Variants in JAKMIP2 observed in about 807,000 individuals in gnomAD.
JAKMIP2 encodes janus kinase and microtubule-interacting protein 2.
A neutral mutation model predicts 115.0 loss-of-function variants in JAKMIP2; 25 were observed. The ratio of observed to expected loss-of-function variants is 0.22; its 90% confidence interval spans 0.16 to 0.30. The LOEUF is 0.30. Ranked by LOEUF, JAKMIP2 falls within the 10% of genes least tolerant of loss-of-function variation. JAKMIP2 has a pLI of 1.00. For missense variants in JAKMIP2, 642 were observed against 957.6 expected, an observed-to-expected ratio of 0.67 and a Z score of 4.35; for synonymous variants, 334 against 343.6, an observed-to-expected ratio of 0.97 and a Z score of 0.31.
intron 1 of JAKMIP2, among the ~76,000 whole-genome samples, chr5:147,702,279 A>G (rs779428557): frequency 2.7e-4 from 40 of 149,198 alleles, no homozygotes; most frequent in South Asian, 2.4e-3. Context: ...TAAGAATGAT[A>G]CAATGGACTT....
rs1031963603 is a variant in JAKMIP2, at chr5:147,639,646, C to T, written c.1516G>A (p.Glu506Lys). ...QEQTGGIIDA[E>K]REAKAQEQLQ... ...TACACACTAACCTTGGCTTCTCGTT[C>T]AGCGTCGATGATGCCTCCCGTCTGC... The change falls in exon 10 of 22, where the codon GAA becomes AAA. Residue 506 changes from glutamate to lysine, a missense_variant. Glu to Lys is a moderately conservative substitution (Grantham distance 56). This residue lies in a region of JAKMIP2 where 103 missense variants were observed against 177.6 expected (regional missense o/e 0.58). Transcript: ENST00000616793. 3 of 1,612,866 alleles carry T rather than the reference C, an allele frequency of 1.9e-6. No homozygotes were observed. The highest frequency in any genetic ancestry group is 1.3e-5 in the African/African-American group (1 of 74,872).
rs1757225025 is a variant in JAKMIP2 at position 147,628,739 on chromosome 5, A to G, written c.1995+12T>C. Reference sequence around the variant, plus strand: ...CACCGAGATGATTTGAAATGTTTGTACGGCTCATTACCTTCTCTGCCAGGG... The same window carrying G: ...CACCGAGATGATTTGAAATGTTTGTGCGGCTCATTACCTTCTCTGCCAGGG... On this transcript the variant is annotated intron_variant, in intron 16 of 21. Transcript: ENST00000616793. The G allele has an allele frequency of 6.2e-7, 1 of 1,606,084 alleles. No individual in the cohort carries two copies. The highest frequency in any genetic ancestry group is 1.3e-5 in the African/African-American group (1 of 74,728).
At chr5:147,653,371 T>G (rs555789746) in intron 3 of JAKMIP2, among the ~76,000 whole-genome samples, 1 of 152,304 alleles carries the variant, frequency 6.6e-6, no homozygotes, top group African/African-American at 2.4e-5. Context: ...CACCAGCACC[T>G]ACTGTTGCTT....
rs1384746078 is a variant in JAKMIP2, at chr5:147,623,980, G to C, written c.1996-291C>G. Among the ~76,000 whole-genome samples, 5 of 151,870 alleles carry C rather than the reference G, an allele frequency of 3.3e-5. No homozygotes were observed. In the South Asian group the frequency reaches 1.0e-3, roughly 31 times the overall value. On this transcript the variant is annotated intron_variant, in intron 16 of 21. Transcript: ENST00000616793. ...CTCCCGAGTAGCTGGGATTACAGGC[G>C]CCTGCCACCACGCCTGGCTAATTTT...
intron 1 of JAKMIP2, among the ~76,000 whole-genome samples, chr5:147,736,384 G>A (rs944416429): frequency 6.6e-6 from 1 of 152,020 alleles, no homozygotes; most frequent in Non-Finnish European, 1.5e-5. Context: ...CTTGAACCTG[G>A]GGGGTGGAGG....
At chr5:147,663,977 GA>G (rs1328457940) in intron 2 of JAKMIP2, among the ~76,000 whole-genome samples, 3 of 152,190 alleles carry the variant, frequency 2.0e-5, no homozygotes, top group Non-Finnish European at 4.4e-5. Flanking sequence ...TCTGGATTTC[GA>G]AGACTTAGTG....
chr5:147,636,146 T>G, intron 12 of JAKMIP2, 76 bp downstream of exon 12: 1 of 1,263,860 alleles, frequency 7.9e-7, no homozygotes, highest in Non-Finnish European at 1.1e-6. Context: ...GTGCCACTCC[T>G]GAGAGCACCC....
At chr5:147,764,684 A>G (rs1716204566) in intron 1 of JAKMIP2, among the ~76,000 whole-genome samples, 1 of 151,612 alleles carries the variant, frequency 6.6e-6, no homozygotes, top group Admixed American at 6.6e-5. Flanking sequence ...TCAACAGATC[A>G]AGACCATCCT....
At chr5:147,643,722 T>A (rs1757986184) in intron 7 of JAKMIP2, among the ~76,000 whole-genome samples, 1 of 152,166 alleles carries the variant, frequency 6.6e-6, no homozygotes, top group Non-Finnish European at 1.5e-5. Flanking sequence ...ACATATTAAA[T>A]CTCTGAGCCT....
chr5:147,744,628 T>C (rs1018010150), intron 1 of JAKMIP2, among the ~76,000 whole-genome samples: 1 of 152,242 alleles, frequency 6.6e-6, no homozygotes, highest in Non-Finnish European at 1.5e-5. Context: ...AAATTAATCA[T>C]AGTTTACTAT....
intron 1 of JAKMIP2, among the ~76,000 whole-genome samples, chr5:147,716,495 C>T (rs1388695979): frequency 6.6e-6 from 1 of 151,236 alleles, no homozygotes; most frequent in African/African-American, 2.4e-5. Flanking sequence ...TCCACATCCT[C>T]TCCAGCACCT....
At chr5:147,707,782 A>G (rs1031592285) in intron 1 of JAKMIP2, among the ~76,000 whole-genome samples, 4 of 152,208 alleles carry the variant, frequency 2.6e-5, no homozygotes, top group African/African-American at 9.6e-5. Flanking sequence ...TATGCAAATG[A>G]GATCAGCAAT....
chr5:147,702,463 A>AGGG (rs1554081169), intron 1 of JAKMIP2, among the ~76,000 whole-genome samples: 21 of 121,172 alleles, frequency 1.7e-4, no homozygotes, highest in East Asian at 7.7e-4. Flanking sequence ...GGAAGGAAGG[A>AGGG]AGGGAGGGAG....
chr5:147,597,495 A>G (rs1043567059), intron 21 of JAKMIP2, among the ~76,000 whole-genome samples: 2 of 152,224 alleles, frequency 1.3e-5, no homozygotes, highest in African/African-American at 4.8e-5. Flanking sequence ...GGGGGACAGT[A>G]AAAATGAGCT....
intron 19 of JAKMIP2, among the ~76,000 whole-genome samples, chr5:147,614,435 C>T (rs928193990): frequency 2.0e-5 from 3 of 152,184 alleles, no homozygotes; most frequent in Non-Finnish European, 4.4e-5. Context: ...ATCCCTTTGC[C>T]ATCCACCCAA....
chr5:147,674,453 C>G (rs1253153197), intron 1 of JAKMIP2, among the ~76,000 whole-genome samples: 1 of 152,074 alleles, frequency 6.6e-6, no homozygotes, highest in Non-Finnish European at 1.5e-5. Context: ...AGAGCTTAAG[C>G]AAAAACCTGA....
At chr5:147,599,620 G>A (rs538642257) in intron 21 of JAKMIP2, among the ~76,000 whole-genome samples, 2 of 152,136 alleles carry the variant, frequency 1.3e-5, no homozygotes, top group Admixed American at 6.5e-5. Flanking sequence ...GTACAGAGAC[G>A]AGCACACTGT....
intron 1 of JAKMIP2, among the ~76,000 whole-genome samples, chr5:147,733,777 C>T (rs567981488): frequency 2.0e-4 from 30 of 152,256 alleles, no homozygotes; most frequent in African/African-American, 7.0e-4. Context: ...ATCCATGTCC[C>T]TACAAAGGAC....
chr5:147,600,504 G>C (rs10053816), intron 21 of JAKMIP2, among the ~76,000 whole-genome samples: 142,878 of 152,178 alleles, frequency 0.94, 67,589 homozygotes, highest in Non-Finnish European at 1. Flanking sequence ...AATCACCTGA[G>C]GTCCAGGAAA....
Sources: gnomAD v4.1 joint callset for allele counts (sites outside exome capture counted in the v4.1 genomes callset) on GRCh38, gnomAD v4.1.1 for gene constraint, gnomAD v4.1.1 regional missense constraint, MANE v1.5 for transcripts, NCBI Gene and HGNC (gene_info 2026-07-23, HGNC 2026-07-21) for gene names.